The following ANTXR1 variants were observed in gnomAD, a reference collection of about 807,000 sequenced individuals.
ANTXR1 encodes anthrax toxin receptor 1.
A neutral mutation model predicts 78.1 loss-of-function variants in ANTXR1; 19 were observed. The observed-to-expected ratio is 0.24, with a 90% CI of 0.17 to 0.36. ANTXR1 has a LOEUF of 0.36. ANTXR1 is among the 10% of genes least tolerant of loss of function. The probability of loss-of-function intolerance (pLI) is 1.00; values close to 1 mark genes in which losing one functional copy is unlikely to be tolerated. For synonymous variants in ANTXR1, 273 were observed against 260.5 expected (o/e 1.05, Z -0.46); for missense variants, 518 against 718.6 (o/e 0.72, Z 3.19).
At chr2:69,045,487 T>A (rs937509797) in intron 3 of ANTXR1, among the ~76,000 whole-genome samples, 48 of 152,210 alleles carry the variant, frequency 3.2e-4, no homozygotes, top group African/African-American at 1.1e-3. Context: ...AATTGTACAC[T>A]TTTTAAATAG....
intron 9 of ANTXR1, among the ~76,000 whole-genome samples, chr2:69,096,253 G>A (rs968900793): frequency 2.1e-5 from 3 of 141,352 alleles, no homozygotes; most frequent in African/African-American, 5.4e-5. Context: ...GCGAGACTCC[G>A]TCAAAAGGAA....
rs59252540 is a variant in ANTXR1, at chr2:69,245,153, G to A, written c.1435-72G>A. 13,284 of 1,582,724 alleles carry A rather than the reference G, an allele frequency of 8.4e-3. 747 individuals carry two copies. In the African/African-American group the frequency reaches 0.13, roughly 16 times the overall value. On this transcript the variant is annotated intron_variant, in intron 17 of 17. Transcript: ENST00000303714. ...GCTTTCCACATATTGCTTGCAAGCC[G>A]CCCACCACAGCACCACAGGCCCTGA...
At chr2:69,159,585 A>G (rs540967027) in intron 13 of ANTXR1, among the ~76,000 whole-genome samples, 1 of 152,308 alleles carries the variant, frequency 6.6e-6, no homozygotes, top group South Asian at 2.1e-4. Context: ...CTGCAATCCA[A>G]CTAGTTAAAA....
chr2:69,224,903 G>A (rs550172649), intron 17 of ANTXR1, among the ~76,000 whole-genome samples: 1 of 152,084 alleles, frequency 6.6e-6, no homozygotes, highest in Non-Finnish European at 1.5e-5. Context: ...AGTCTCTCTT[G>A]GGCTCATTGC....
At position 69,193,425 on chromosome 2, in the gene ANTXR1, G is replaced by A. The variant is rs373997643; in HGVS notation, c.1434+10G>A. The A allele has an allele frequency of 8.8e-6, 14 of 1,582,800 alleles. No individual in the cohort carries two copies. The highest frequency in any genetic ancestry group is 3.4e-4 in the Middle Eastern group (2 of 5,970). Reference sequence around the variant, plus strand: ...ACAGCCAGGAGACACGGTAGGACTCGTTAATTCATTAATGGTGTCTCTCTC... The same window carrying A: ...ACAGCCAGGAGACACGGTAGGACTCATTAATTCATTAATGGTGTCTCTCTC... On this transcript the variant is annotated intron_variant, in intron 17 of 17. Coordinates refer to ENST00000303714, the MANE Select transcript of ANTXR1 (RefSeq NM_032208.3).
chr2:69,242,142 C>G (rs1320072270), intron 17 of ANTXR1, among the ~76,000 whole-genome samples: 1 of 152,098 alleles, frequency 6.6e-6, no homozygotes, highest in African/African-American at 2.4e-5. Context: ...GTGTTACTGA[C>G]CAGAGGAAGG....
chr2:69,210,642 G>A (rs1263743016), intron 17 of ANTXR1, among the ~76,000 whole-genome samples: 1 of 152,188 alleles, frequency 6.6e-6, no homozygotes, highest in African/African-American at 2.4e-5. Flanking sequence ...TTGTACGTAA[G>A]AACCAGATGT....
At chr2:69,069,608 T>C (rs1670507102) in intron 3 of ANTXR1, among the ~76,000 whole-genome samples, 1 of 152,232 alleles carries the variant, frequency 6.6e-6, no homozygotes, top group Admixed American at 6.5e-5. Context: ...TCAGGTAGAT[T>C]TGACTTCAAG....
intron 12 of ANTXR1, among the ~76,000 whole-genome samples, chr2:69,150,361 G>A (rs1159907963): frequency 6.6e-6 from 1 of 152,176 alleles, no homozygotes; most frequent in Non-Finnish European, 1.5e-5. Flanking sequence ...GTCATTTCAG[G>A]AGGGTCACAG....
At chr2:69,216,832 T>C in intron 17 of ANTXR1, among the ~76,000 whole-genome samples, 1 of 152,256 alleles carries the variant, frequency 6.6e-6, no homozygotes, top group Non-Finnish European at 1.5e-5. Flanking sequence ...ATTTACTCAG[T>C]TCTTCCTACA....
intron 3 of ANTXR1, among the ~76,000 whole-genome samples, chr2:69,061,822 C>T (rs929938050): frequency 6.6e-6 from 1 of 152,108 alleles, no homozygotes; most frequent in African/African-American, 2.4e-5. Context: ...TAGTATTTTT[C>T]TTTCTGATTT....
intron 1 of ANTXR1, among the ~76,000 whole-genome samples, chr2:69,021,475 T>G (rs911381250): frequency 2.6e-5 from 4 of 152,190 alleles, no homozygotes; most frequent in Non-Finnish European, 4.4e-5. Flanking sequence ...GCTCTTCTTA[T>G]GGTGATGGTT....
At chr2:69,171,464 T>C (rs1322041227) in intron 14 of ANTXR1, among the ~76,000 whole-genome samples, 2 of 152,280 alleles carry the variant, frequency 1.3e-5, no homozygotes, top group South Asian at 2.1e-4. Flanking sequence ...GCTTCTGTTA[T>C]GTGCAGCTAT....
At chr2:69,101,125 A>C (rs1671601795) in intron 9 of ANTXR1, among the ~76,000 whole-genome samples, 1 of 151,582 alleles carries the variant, frequency 6.6e-6, no homozygotes, top group African/African-American at 2.4e-5. Flanking sequence ...TCTAACTTAT[A>C]CTCCTTGTGG....
In ANTXR1 at chr2:69,248,495, TCA is replaced by T. The variant is rs1026192699; in HGVS notation, c.*3013_*3014del. 4.6e-5 allele frequency: 7 copies of T among 152,778 alleles called. No homozygotes were observed. Among genetic ancestry groups the T allele is most frequent in the African/African-American group, 1.4e-4 (6 of 41,572 alleles). 9.5% of individuals were successfully genotyped at this position (152,778 alleles called of 1,614,324 possible). A position where few individuals can be genotyped will look rare whatever the true frequency, so the allele number is the denominator to read the frequency against. Reference sequence around the variant, plus strand: ...GAACCATATTCTGTTGACAGCCAGCTCACAGTTTCTTGCCTGAAGCTTGGTGC... The same window carrying T: ...GAACCATATTCTGTTGACAGCCAGCTCAGTTTCTTGCCTGAAGCTTGGTGC... On this transcript the variant is annotated 3_prime_UTR_variant, in exon 18 of 18. Transcript: ENST00000303714.
chr2:69,173,378 A>G (rs747641270), intron 14 of ANTXR1, among the ~76,000 whole-genome samples: 2 of 152,078 alleles, frequency 1.3e-5, no homozygotes, highest in Non-Finnish European at 2.9e-5. Flanking sequence ...TCAGTTCCCA[A>G]TAGGGGAAAA....
At position 69,190,203 on chromosome 2, in the gene ANTXR1, A is replaced by G. The variant is rs562207430; in HGVS notation, c.1354-3132A>G. Among the ~76,000 whole-genome samples, 53 of 152,326 alleles carry G rather than the reference A, an allele frequency of 3.5e-4. No individual in the cohort carries two copies. The South Asian group carries it at 4.1e-3, about 12-fold the overall frequency. On this transcript the variant is annotated intron_variant, in intron 16 of 17. Transcript: ENST00000303714. ...GGGAGAGTGTGCAGGGGAGAGGCCC[A>G]GCACAGCGGATCTCCCCAAAGAACC...
intron 1 of ANTXR1, among the ~76,000 whole-genome samples, chr2:69,017,566 C>T (rs1193198551): frequency 6.6e-6 from 1 of 152,132 alleles, no homozygotes; most frequent in Non-Finnish European, 1.5e-5. Flanking sequence ...TTTTCTCAAC[C>T]AGGAGCAAAG....
At chr2:69,031,015 T>C (rs550988313) in intron 1 of ANTXR1, among the ~76,000 whole-genome samples, 1 of 152,336 alleles carries the variant, frequency 6.6e-6, no homozygotes, top group Admixed American at 6.5e-5. Flanking sequence ...GCCACATTCA[T>C]TTTGTTCATG....
Sources: gnomAD v4.1 joint callset for allele counts (sites outside exome capture counted in the v4.1 genomes callset) on GRCh38, gnomAD v4.1.1 for gene constraint, MANE v1.5 for transcripts, NCBI Gene and HGNC (gene_info 2026-07-23, HGNC 2026-07-21) for gene names.